The following SLC41A3 variants were observed in gnomAD, a reference collection of about 807,000 sequenced individuals.
The protein encoded by SLC41A3 is SLC41A1-like 2.
A neutral mutation model predicts 45.4 loss-of-function variants in SLC41A3; 44 were observed. That is an observed-to-expected ratio of 0.97 (90% CI 0.76 to 1.25). The LOEUF is 1.25. SLC41A3 is among the 50% of genes most tolerant of loss of function. The pLI is 0.00. For missense variants in SLC41A3, 550 were observed against 600.6 expected (o/e 0.92, Z 0.88); for synonymous variants, 256 against 252.4 (o/e 1.01, Z -0.13).
intron 3 of SLC41A3, among the ~76,000 whole-genome samples, chr3:126,044,164 C>T (rs574097830): frequency 6.6e-6 from 1 of 152,118 alleles, no homozygotes; most frequent in African/African-American, 2.4e-5. Context: ...TAATATGAGA[C>T]AAAATGGACT....
intron 3 of SLC41A3, among the ~76,000 whole-genome samples, chr3:126,040,956 A>G (rs1434313143): frequency 6.6e-6 from 1 of 152,268 alleles, no homozygotes. Context: ...ATGAAACTGA[A>G]TAAGTATCTA....
chr3:126,037,567 T>C (rs2107795842), intron 3 of SLC41A3, among the ~76,000 whole-genome samples: 1 of 152,292 alleles, frequency 6.6e-6, no homozygotes, highest in Middle Eastern at 3.4e-3. Context: ...GAGTGCTGTC[T>C]TAGGGTATCA....
intron 2 of SLC41A3, among the ~76,000 whole-genome samples, chr3:126,059,310 G>GAAAGAAAGAAAGAAAGAAA (rs1553740822): frequency 6.8e-5 from 6 of 88,074 alleles, no homozygotes; most frequent in African/African-American, 2.2e-4. Flanking sequence ...AAGAAAGAAA[G>GAAAGAAAGAAAGAAAGAAA]GAAGGATGAT....
intron 2 of SLC41A3, among the ~76,000 whole-genome samples, chr3:126,066,967 G>A (rs562000255): frequency 1.7e-4 from 26 of 152,190 alleles, no homozygotes; most frequent in East Asian, 1.4e-3. Flanking sequence ...TTTCGCCGGC[G>A]TATGGGGCGA....
rs575512847 is a variant in SLC41A3 at position 126,008,009 on chromosome 3, C to T, written c.1254+723G>A. Among the ~76,000 whole-genome samples the T allele has an allele frequency of 1.3e-4, 20 of 152,360 alleles. No individual in the cohort carries two copies. In the South Asian group the frequency reaches 2.9e-3, roughly 22 times the overall value. ...GCTGTCCAGCCCTGATCAATGTCTA[C>T]GCATGCCTTGCAGCAGCAGACCCTG... On this transcript the variant is annotated intron_variant, in intron 10 of 10. Transcript: ENST00000360370.
upstream of SLC41A3, among the ~76,000 whole-genome samples, chr3:126,088,409 T>C (rs549028748): frequency 2.0e-5 from 3 of 152,316 alleles, 1 homozygote; most frequent in South Asian, 6.2e-4. Flanking sequence ...ATTTAAAATC[T>C]TAAAGTCATG....
rs900659993 is a variant in SLC41A3 at position 126,026,559 on chromosome 3, G to C, written c.454-80C>G. ...CCCTGCCCTTCACACCTCACTCACC[G>C]CAAGGGGCCGGGTGCCACATGCTAC... is the stretch of plus-strand genomic sequence containing the variant. On this transcript the variant is annotated intron_variant, in intron 4 of 10. Coordinates refer to ENST00000360370, the MANE Select transcript of SLC41A3 (RefSeq NM_017836.4). This position sits in a 1 kb window ranked among gnomAD's most constrained non-coding sequence, Gnocchi z 4.2. The C allele has an allele frequency of 7.9e-6, 12 of 1,519,620 alleles. No individual in the cohort carries two copies. Among genetic ancestry groups the C allele is most frequent in the South Asian group, 3.7e-5 (3 of 80,052 alleles). The allele number at this position is 1,519,620 out of a possible 1,614,324, so 94.1% of individuals were successfully genotyped here. A position where few individuals can be genotyped will look rare whatever the true frequency, so the allele number is the denominator to read the frequency against.
At chr3:126,017,401 G>C (rs1168728086) in intron 6 of SLC41A3, among the ~76,000 whole-genome samples, 1 of 152,224 alleles carries the variant, frequency 6.6e-6, no homozygotes, top group Non-Finnish European at 1.5e-5. Context: ...GGTCCTGGCT[G>C]AGGCCAGTCC....
intron 4 of SLC41A3, among the ~76,000 whole-genome samples, chr3:126,028,402 C>T (rs1043693745): frequency 2.6e-5 from 4 of 152,374 alleles, no homozygotes; most frequent in South Asian, 4.1e-4. Context: ...GAGGATGCAA[C>T]GCATAAGCCT....
chr3:126,051,744 C>T (rs1559860153), intron 2 of SLC41A3, among the ~76,000 whole-genome samples: 1 of 152,154 alleles, frequency 6.6e-6, no homozygotes, highest in South Asian at 2.1e-4. Context: ...AATGCCCCAC[C>T]TGATCCTACT....
intron 1 of SLC41A3, among the ~76,000 whole-genome samples, chr3:126,074,986 A>G (rs1415130834): frequency 1.5e-5 from 2 of 132,856 alleles, no homozygotes; most frequent in South Asian, 4.7e-4. Flanking sequence ...CTAGTATTTT[A>G]TTTTTTGTAG....
chr3:126,038,520 T>G (rs1428025675), intron 3 of SLC41A3, among the ~76,000 whole-genome samples: 1 of 152,232 alleles, frequency 6.6e-6, no homozygotes, highest in African/African-American at 2.4e-5. Flanking sequence ...ATGTAATGCC[T>G]GTCTGCTGGG....
intron 1 of SLC41A3, among the ~76,000 whole-genome samples, chr3:126,081,426 G>A (rs1165753753): frequency 6.6e-6 from 1 of 152,190 alleles, no homozygotes; most frequent in African/African-American, 2.4e-5. Flanking sequence ...ATAAGAAATC[G>A]TGTTTGATGA....
At chr3:126,093,253 G>T (rs1482021582) in intron 1 of SLC41A3, among the ~76,000 whole-genome samples, 5 of 152,158 alleles carry the variant, frequency 3.3e-5, no homozygotes, top group African/African-American at 1.2e-4. Context: ...CCAGATAGGG[G>T]AAAAAAGAAA....
chr3:126,090,222 A>G (rs1042166206), intron 1 of SLC41A3, among the ~76,000 whole-genome samples: 1 of 152,118 alleles, frequency 6.6e-6, no homozygotes, highest in African/African-American at 2.4e-5. Flanking sequence ...CTTTAACTAA[A>G]ATAGTATATT....
At chr3:126,054,212 C>A (rs979664851) in intron 2 of SLC41A3, among the ~76,000 whole-genome samples, 1 of 152,166 alleles carries the variant, frequency 6.6e-6, no homozygotes, top group Non-Finnish European at 1.5e-5. Flanking sequence ...ACCCCAAAGA[C>A]ACACAGGCAT....
chr3:126,016,760 G>A lies in SLC41A3; in HGVS notation c.861C>T (p.Phe287=). The A allele has an allele frequency of 6.2e-7, 1 of 1,612,078 alleles. No individual in the cohort carries two copies. Among genetic ancestry groups the A allele is most frequent in the East Asian group, 2.2e-5 (1 of 44,708 alleles). ...PIVKILKFGW[F]PIILAMVISS... is the part of the protein sequence containing the mutation. Reference sequence around the variant, plus strand: ...TGATGACCATGGCCAGGATGATTGGGAACCAGCCAAACTTCAGGATCTTCA... The same window carrying A: ...TGATGACCATGGCCAGGATGATTGGAAACCAGCCAAACTTCAGGATCTTCA... Residue 287 remains phenylalanine, a synonymous_variant, in exon 7 of 11, where the codon TTC becomes TTT. Transcript: ENST00000360370.
intron 1 of SLC41A3, among the ~76,000 whole-genome samples, chr3:126,100,895 A>T (rs189703788): frequency 6.6e-6 from 1 of 152,202 alleles, no homozygotes; most frequent in Admixed American, 6.5e-5. Flanking sequence ...TCACTCATGC[A>T]TATTTTTGTT....
In SLC41A3 at chr3:126,006,638, C is replaced by T. The variant is rs775857344; in HGVS notation, c.*378G>A. ...GAACAGAAAAGAGCTCCTTCCTGCT[C>T]CACCCCAATCTGGGTTGCATGGGCA... On this transcript the variant is annotated 3_prime_UTR_variant, in exon 11 of 11. Transcript: ENST00000360370. 1.5e-4 allele frequency: 237 copies of T among 1,530,766 alleles called. No homozygotes were observed. Among genetic ancestry groups the T allele is most frequent in the Non-Finnish European group, 2.0e-4 (227 of 1,145,424 alleles). 94.8% of individuals were successfully genotyped at this position (1,530,766 alleles called of 1,614,324 possible).
Sources: gnomAD v4.1 joint callset for allele counts (sites outside exome capture counted in the v4.1 genomes callset) on GRCh38, gnomAD v4.1.1 for gene constraint, Gnocchi (gnomAD v3.1) non-coding constraint, MANE v1.5 for transcripts, NCBI Gene and HGNC (gene_info 2026-07-23, HGNC 2026-07-21) for gene names.